MMD2: variants seen among roughly 807,000 people sequenced by gnomAD.
MMD2 encodes monocyte to macrophage differentiation associated 2.
In MMD2, 30 loss-of-function variants were observed where a neutral mutation model predicts 33.5. The observed-to-expected ratio is 0.90, with a 90% CI of 0.67 to 1.22. MMD2 has a LOEUF of 1.22. Ranked by LOEUF, MMD2 falls within the 50% of genes most tolerant of loss-of-function variation. The probability of loss-of-function intolerance (pLI) is 0.00; values close to 1 mark genes in which losing one functional copy is unlikely to be tolerated. For synonymous variants in MMD2, 129 were observed against 123.0 expected, an observed-to-expected ratio of 1.05 and a Z score of -0.32; for missense variants, 364 against 325.4, an observed-to-expected ratio of 1.12 and a Z score of -0.91.
intron 1 of MMD2, among the ~76,000 whole-genome samples, chr7:4,943,640 C>T (rs1785974046): frequency 6.6e-6 from 1 of 152,098 alleles, no homozygotes; most frequent in South Asian, 2.1e-4. Flanking sequence ...GCATGTTAGC[C>T]CTGCAGTCCA....
chr7:4,923,182 CAG>C, intron 2 of MMD2, among the ~76,000 whole-genome samples: 1 of 152,016 alleles, frequency 6.6e-6, no homozygotes, highest in Non-Finnish European at 1.5e-5. Flanking sequence ...TGGCTCACTG[CAG>C]CCTCTGCCTC....
chr7:4,919,462 C>T (rs753217702), intron 3 of MMD2, among the ~76,000 whole-genome samples: 8 of 150,668 alleles, frequency 5.3e-5, no homozygotes, highest in Non-Finnish European at 1.0e-4. Flanking sequence ...CTCAGTTCCT[C>T]AGGCGGCTGA....
At chr7:4,928,139 A>G (rs1785482174) in intron 1 of MMD2, among the ~76,000 whole-genome samples, 1 of 152,198 alleles carries the variant, frequency 6.6e-6, no homozygotes, top group South Asian at 2.1e-4. Flanking sequence ...GCCAAGCAGC[A>G]GCCACCCAAT....
At chr7:4,924,163 GCC>G (rs565230398) in intron 2 of MMD2, among the ~76,000 whole-genome samples, 321 of 152,314 alleles carry the variant, frequency 2.1e-3, no homozygotes, top group African/African-American at 7.6e-3. Flanking sequence ...CTGCACTCCA[GCC>G]TGGGGAACAG....
chr7:4,922,425 C>T (rs2115107213), intron 2 of MMD2, among the ~76,000 whole-genome samples: 1 of 152,034 alleles, frequency 6.6e-6, no homozygotes, highest in African/African-American at 2.4e-5. Context: ...CAAAAATTAG[C>T]CAGGCGTGGT....
At chr7:4,932,093 C>T (rs1011408929) in intron 1 of MMD2, among the ~76,000 whole-genome samples, 3 of 152,230 alleles carry the variant, frequency 2.0e-5, no homozygotes, top group African/African-American at 7.2e-5. Flanking sequence ...CACCAGGAAA[C>T]CACCAAGGGT....
chr7:4,937,033 G>A (rs111751166), intron 1 of MMD2, among the ~76,000 whole-genome samples: 1 of 149,062 alleles, frequency 6.7e-6, no homozygotes, highest in African/African-American at 2.5e-5. Context: ...ACCATGCCCA[G>A]CCCACACAGT....
At chr7:4,909,249 A>C (rs964706728) in intron 6 of MMD2, among the ~76,000 whole-genome samples, 4 of 151,646 alleles carry the variant, frequency 2.6e-5, no homozygotes. Flanking sequence ...AGCACTTTGG[A>C]AGGCCAAGGT....
chr7:4,923,353 C>T (rs1027630308), intron 2 of MMD2, among the ~76,000 whole-genome samples: 1 of 152,176 alleles, frequency 6.6e-6, no homozygotes, highest in African/African-American at 2.4e-5. Context: ...ATCCGCCCGC[C>T]TCAGCCACCC....
At chr7:4,908,598 G>C (rs1036297439) in intron 6 of MMD2, among the ~76,000 whole-genome samples, 5 of 151,916 alleles carry the variant, frequency 3.3e-5, no homozygotes, top group Admixed American at 2.6e-4. Context: ...GGAATGAATG[G>C]ATAAACGAAA....
At chr7:4,935,074 T>C (rs1026504248) in intron 1 of MMD2, among the ~76,000 whole-genome samples, 6 of 151,862 alleles carry the variant, frequency 4.0e-5, no homozygotes, top group African/African-American at 1.5e-4. Context: ...TAATTCCAGC[T>C]CCTCAGGAGG....
rs538539289 is a variant in MMD2, at chr7:4,924,173, C to G, written c.129+1278G>C. Among the ~76,000 whole-genome samples, 5 of 151,606 alleles carry G rather than the reference C, an allele frequency of 3.3e-5. No homozygotes were observed. The South Asian group carries it at 1.0e-3, about 31-fold the overall frequency. Reference sequence around the variant, plus strand: ...CACCACTGCACTCCAGCCTGGGGAACAGAGCGAGACTTCGTCTCAAAAAAA... The same window carrying G: ...CACCACTGCACTCCAGCCTGGGGAAGAGAGCGAGACTTCGTCTCAAAAAAA... On this transcript the variant is annotated intron_variant, in intron 2 of 6. Transcript: ENST00000401401.
At chr7:4,942,764 C>A (rs1217793550) in intron 1 of MMD2, among the ~76,000 whole-genome samples, 1 of 151,854 alleles carries the variant, frequency 6.6e-6, no homozygotes, top group Non-Finnish European at 1.5e-5. Flanking sequence ...AGACACGTGC[C>A]ACCACCTCAC....
rs369406144 is a variant in MMD2, at chr7:4,907,349, C to T, written c.*47G>A. ...TGCTCTGGGTTAACGTTCACAGAAA[C>T]GTGCTCCACTCCTAAAGCCCAAACG... On this transcript the variant is annotated 3_prime_UTR_variant, in exon 7 of 7. Coordinates refer to ENST00000401401, the MANE Select transcript of MMD2 (RefSeq NM_198403.4). 6.9e-6 allele frequency: 11 copies of T among 1,584,612 alleles called. No homozygotes were observed. The highest frequency in any genetic ancestry group is 4.4e-5 in the South Asian group (4 of 90,248).
chr7:4,919,944 G>A (rs1321769560), intron 3 of MMD2, among the ~76,000 whole-genome samples: 4 of 152,150 alleles, frequency 2.6e-5, no homozygotes, highest in Admixed American at 6.6e-5. Flanking sequence ...CCAGGCTCCC[G>A]TGGGCGAGGT....
chr7:4,933,514 G>A (rs755152032), intron 1 of MMD2, among the ~76,000 whole-genome samples: 1 of 152,016 alleles, frequency 6.6e-6, no homozygotes, highest in Non-Finnish European at 1.5e-5. Flanking sequence ...TTTGTTGTTG[G>A]GCAGGGAGCA....
chr7:4,943,216 G>A (rs1785959655), intron 1 of MMD2, among the ~76,000 whole-genome samples: 1 of 150,892 alleles, frequency 6.6e-6, no homozygotes, highest in African/African-American at 2.4e-5. Flanking sequence ...TCACCATGTT[G>A]GCCAGGCTGG....
At chr7:4,953,239 G>A (rs533089478) in intron 1 of MMD2, among the ~76,000 whole-genome samples, 1 of 151,584 alleles carries the variant, frequency 6.6e-6, no homozygotes, top group Non-Finnish European at 1.5e-5. Context: ...ACAGAAGAAT[G>A]TGAGCTCCAG....
chr7:4,911,784 G>A (rs1785017584), intron 4 of MMD2, among the ~76,000 whole-genome samples: 1 of 152,100 alleles, frequency 6.6e-6, no homozygotes, highest in South Asian at 2.1e-4. Flanking sequence ...GAGTAGCTGG[G>A]ATTACAGGCA....
Sources: gnomAD v4.1 joint callset for allele counts (sites outside exome capture counted in the v4.1 genomes callset) on GRCh38, gnomAD v4.1.1 for gene constraint, MANE v1.5 for transcripts, NCBI Gene and HGNC (gene_info 2026-07-23, HGNC 2026-07-21) for gene names.